ITFG1: variants seen among roughly 807,000 people sequenced by gnomAD.
The protein encoded by ITFG1 is integrin alpha FG-GAP repeat containing 1, also known as T-cell immunomodulatory protein.
In ITFG1, 34 loss-of-function variants were observed where a neutral mutation model predicts 81.8. The observed-to-expected ratio is 0.42, with a 90% CI of 0.32 to 0.55. ITFG1 has a LOEUF of 0.55. Among genes scored for constraint, ITFG1 ranks in the 20% least tolerant of loss-of-function variants. The probability of loss-of-function intolerance (pLI) is 0.17; values close to 1 mark genes in which losing one functional copy is unlikely to be tolerated. For synonymous variants in ITFG1, 285 were observed against 270.6 expected (o/e 1.05, Z -0.52); for missense variants, 672 against 755.4 (o/e 0.89, Z 1.29).
chr16:47,174,308 G>A (rs971971541), intron 14 of ITFG1, among the ~76,000 whole-genome samples: 4 of 151,864 alleles, frequency 2.6e-5, no homozygotes, highest in Non-Finnish European at 4.4e-5. Context: ...AGATTCTAGC[G>A]CTAGAATACT....
In ITFG1 at chr16:47,299,132, C is replaced by T. The variant is rs543114370; in HGVS notation, c.1070+12108G>A. The stretch of plus-strand genomic sequence containing the variant: ...TGACAGGCAGGAATGAGATCTGCTA[C>T]CTTTACTCGCCTTTGTCTGACATTC... On this transcript the variant is annotated intron_variant, in intron 10 of 17. Transcript: ENST00000320640. Among the ~76,000 whole-genome samples the T allele has an allele frequency of 2.4e-4, 36 of 152,272 alleles. No homozygotes were observed. In the South Asian group the frequency reaches 6.4e-3, roughly 27 times the overall value.
At chr16:47,443,062 AC>A (rs1205045242) in intron 5 of ITFG1, among the ~76,000 whole-genome samples, 2 of 152,226 alleles carry the variant, frequency 1.3e-5, no homozygotes, top group African/African-American at 2.4e-5. Flanking sequence ...CAAGAAAAAA[AC>A]AACCCCATCA....
At chr16:47,445,696 A>G (rs1256561140) in intron 5 of ITFG1, among the ~76,000 whole-genome samples, 1 of 152,216 alleles carries the variant, frequency 6.6e-6, no homozygotes, top group Non-Finnish European at 1.5e-5. Context: ...AATATAAAAG[A>G]AATGACACTT....
chr16:47,442,153 A>G (rs1449869894), intron 5 of ITFG1, among the ~76,000 whole-genome samples: 1 of 152,234 alleles, frequency 6.6e-6, no homozygotes. Context: ...AAGGAGAACT[A>G]CAAACCACTG....
At chr16:47,189,586 G>C (rs1313545456) in intron 14 of ITFG1, among the ~76,000 whole-genome samples, 1 of 152,132 alleles carries the variant, frequency 6.6e-6, no homozygotes, top group Non-Finnish European at 1.5e-5. Context: ...CATATCTGTG[G>C]TTTACCCATT....
chr16:47,392,436 G>C (rs1968544151), intron 6 of ITFG1, among the ~76,000 whole-genome samples: 1 of 152,184 alleles, frequency 6.6e-6, no homozygotes, highest in Non-Finnish European at 1.5e-5. Context: ...GGCTGGGACA[G>C]GGAAATAGAG....
chr16:47,204,914 T>G (rs1366508888), intron 14 of ITFG1, among the ~76,000 whole-genome samples: 3 of 152,234 alleles, frequency 2.0e-5, no homozygotes, highest in East Asian at 3.8e-4. Context: ...GGCTGTTGTA[T>G]TCTCTAAACT....
chr16:47,461,147 C>T, upstream of ITFG1: 1 of 1,180,076 alleles, frequency 8.5e-7, no homozygotes, highest in Non-Finnish European at 1.2e-6. Context: ...CCCCGGGACG[C>T]GTAAGAGCCG....
At chr16:47,159,031 T>A in intron 16 of ITFG1, 41 bp from the exon 17 acceptor site, 3 of 1,115,956 alleles carry the variant, frequency 2.7e-6, no homozygotes, top group Non-Finnish European at 3.8e-6. Flanking sequence ...ACAAATTTTA[T>A]TTAAAAATAA....
At chr16:47,261,981 T>A (rs1483339569) in intron 10 of ITFG1, among the ~76,000 whole-genome samples, 1 of 152,238 alleles carries the variant, frequency 6.6e-6, no homozygotes, top group Non-Finnish European at 1.5e-5. Flanking sequence ...CCTCTAATAA[T>A]TACTTTAAAT....
At chr16:47,442,225 C>A (rs1969261728) in intron 5 of ITFG1, among the ~76,000 whole-genome samples, 1 of 152,112 alleles carries the variant, frequency 6.6e-6, no homozygotes, top group Non-Finnish European at 1.5e-5. Flanking sequence ...TGGGTAGGAA[C>A]AATCAATATC....
At chr16:47,349,287 C>A (rs1444179506) in intron 8 of ITFG1, among the ~76,000 whole-genome samples, 1 of 152,048 alleles carries the variant, frequency 6.6e-6, no homozygotes, top group Non-Finnish European at 1.5e-5. Context: ...AGAGTCAGAC[C>A]CATCAGTGTG....
intron 14 of ITFG1, among the ~76,000 whole-genome samples, chr16:47,181,514 C>A (rs1415244933): frequency 2.1e-5 from 3 of 140,570 alleles, no homozygotes; most frequent in Non-Finnish European, 3.1e-5. Flanking sequence ...GGGGGTCAGC[C>A]CCCCCACCCG....
intron 14 of ITFG1, among the ~76,000 whole-genome samples, chr16:47,184,837 T>C (rs1249367540): frequency 2.0e-5 from 3 of 152,044 alleles, no homozygotes; most frequent in African/African-American, 4.8e-5. Context: ...GACTGGCAAA[T>C]TGGATAAAGA....
At chr16:47,231,317 G>A (rs904283112) in intron 13 of ITFG1, among the ~76,000 whole-genome samples, 1 of 152,066 alleles carries the variant, frequency 6.6e-6, no homozygotes, top group African/African-American at 2.4e-5. Context: ...AGAGAAAAAC[G>A]CCATTATTTC....
At chr16:47,243,819 T>C (rs1189575907) in intron 12 of ITFG1, among the ~76,000 whole-genome samples, 2 of 152,192 alleles carry the variant, frequency 1.3e-5, no homozygotes, top group Admixed American at 1.3e-4. Context: ...GGTGGGTGGA[T>C]TAGGAATTCG....
At chr16:47,222,816 A>C (rs1596817388) in intron 13 of ITFG1, among the ~76,000 whole-genome samples, 1 of 152,344 alleles carries the variant, frequency 6.6e-6, no homozygotes, top group African/African-American at 2.4e-5. Context: ...AGAGAGCTTT[A>C]CTTCCAACTA....
intron 12 of ITFG1, among the ~76,000 whole-genome samples, chr16:47,247,927 C>A (rs1966021707): frequency 6.6e-6 from 1 of 152,168 alleles, no homozygotes; most frequent in South Asian, 2.1e-4. Flanking sequence ...GAGGCTGGAT[C>A]ATGGATGATG....
chr16:47,185,782 G>A (rs1366984568), intron 14 of ITFG1, among the ~76,000 whole-genome samples: 1 of 151,728 alleles, frequency 6.6e-6, no homozygotes, highest in African/African-American at 2.4e-5. Flanking sequence ...AAGGAAATAG[G>A]GACACAAAAA....
Sources: gnomAD v4.1 joint callset for allele counts (sites outside exome capture counted in the v4.1 genomes callset) on GRCh38, gnomAD v4.1.1 for gene constraint, MANE v1.5 for transcripts, NCBI Gene and HGNC (gene_info 2026-07-23, HGNC 2026-07-21) for gene names.